The following LRP1B variants were observed in gnomAD, a reference collection of about 807,000 sequenced individuals.
LRP1B encodes the protein LDL receptor related protein 1B, also known as low-density lipoprotein receptor-related protein 1B.
In LRP1B, 217 loss-of-function variants were observed where a neutral mutation model predicts 556.6. That is an observed-to-expected ratio of 0.39 (90% CI 0.35 to 0.44). LRP1B has a LOEUF of 0.44. Among genes scored for constraint, LRP1B ranks in the 20% least tolerant of loss-of-function variants. The pLI is 1.00. For missense variants in LRP1B, 5,053 were observed against 5,620.8 expected (o/e 0.90, Z 3.23); for synonymous variants, 2,047 against 1,865.8 (o/e 1.10, Z -2.50).
In LRP1B at chr2:142,130,644, T is replaced by C. The variant is rs1322787743; in HGVS notation, c.82+4A>G. On this transcript the variant is annotated splice_donor_region_variant and intron_variant, in intron 1 of 90. Coordinates refer to ENST00000389484, the MANE Select transcript of LRP1B (RefSeq NM_018557.3). ...GGAGGGGAGCGGGGAGGTGTTCTCC[T>C]TACCTCGGTCGGCTCCCACGGTCAG... The C allele has an allele frequency of 6.2e-7, 1 of 1,609,646 alleles. No individual in the cohort carries two copies. The highest frequency in any genetic ancestry group is 8.5e-7 in the Non-Finnish European group (1 of 1,177,376).
intron 2 of LRP1B, among the ~76,000 whole-genome samples, chr2:141,724,314 T>G (rs1413211340): frequency 6.6e-6 from 1 of 151,992 alleles, no homozygotes; most frequent in Non-Finnish European, 1.5e-5. Context: ...TAAATTATTT[T>G]CTGCAAGGTT....
At chr2:140,661,351 C>G (rs1033324705) in intron 41 of LRP1B, among the ~76,000 whole-genome samples, 4 of 151,654 alleles carry the variant, frequency 2.6e-5, no homozygotes, top group African/African-American at 9.7e-5. Context: ...GACTATGGGT[C>G]CACAGAGAAA....
At chr2:141,200,698 T>C (rs1573641957) in intron 6 of LRP1B, among the ~76,000 whole-genome samples, 1 of 152,120 alleles carries the variant, frequency 6.6e-6, no homozygotes, top group Admixed American at 6.6e-5. Flanking sequence ...ATTTTTCTTG[T>C]AGTTTTCATC....
intron 2 of LRP1B, among the ~76,000 whole-genome samples, chr2:141,520,207 G>A (rs1329102465): frequency 6.6e-6 from 1 of 152,082 alleles, no homozygotes; most frequent in Non-Finnish European, 1.5e-5. Context: ...ATAAGAATAA[G>A]GCAAGTGGAT....
In LRP1B at chr2:140,331,814, G is replaced by T. The variant is rs147077982; in HGVS notation, c.12223+2639C>A. On this transcript the variant is annotated intron_variant, in intron 79 of 90. Coordinates refer to ENST00000389484, the MANE Select transcript of LRP1B (RefSeq NM_018557.3). ...GGGTTCAAGCAATTCTTATGCCTTA[G>T]CCTCTCGAGTAGCTGGGATTACAGG... Among the ~76,000 whole-genome samples, 276 of 151,696 alleles carry T rather than the reference G, an allele frequency of 1.8e-3. 1 individual carries two copies. Among genetic ancestry groups the T allele is most frequent in the African/African-American group, 6.3e-3 (262 of 41,400 alleles).
chr2:141,193,614 A>G lies in LRP1B; in HGVS notation c.851-5031T>C, dbSNP rs550433154. Among the ~76,000 whole-genome samples the G allele has an allele frequency of 1.3e-3, 193 of 152,024 alleles. 1 individual carries two copies. Among genetic ancestry groups the G allele is most frequent in the African/African-American group, 4.4e-3 (184 of 41,504 alleles). On this transcript the variant is annotated intron_variant, in intron 6 of 90. Coordinates refer to ENST00000389484, the MANE Select transcript of LRP1B (RefSeq NM_018557.3). ...GGTGGAGGATGGGAGGAGGGAGAGGAGTAGAAAAGACAACTTTTGGGGACT... is the reference window on the plus strand; with the variant it reads ...GGTGGAGGATGGGAGGAGGGAGAGGGGTAGAAAAGACAACTTTTGGGGACT...
At chr2:141,485,189 T>G (rs1398050906) in intron 2 of LRP1B, among the ~76,000 whole-genome samples, 2 of 152,200 alleles carry the variant, frequency 1.3e-5, no homozygotes, top group Non-Finnish European at 2.9e-5. Flanking sequence ...GACTAGCCAC[T>G]ACAGTCTTTA....
chr2:141,093,602 T>C (rs1700224534), intron 7 of LRP1B, among the ~76,000 whole-genome samples: 1 of 152,106 alleles, frequency 6.6e-6, no homozygotes, highest in Non-Finnish European at 1.5e-5. Context: ...AACACAGAGC[T>C]GTGGAGAGTT....
chr2:141,584,928 T>C (rs760780475), intron 2 of LRP1B, among the ~76,000 whole-genome samples: 27 of 152,110 alleles, frequency 1.8e-4, no homozygotes, highest in Non-Finnish European at 3.4e-4. Context: ...GTTCAATGGG[T>C]ACAGAGTTTC....
At chr2:141,771,909 TC>T (rs1694912550) in intron 2 of LRP1B, among the ~76,000 whole-genome samples, 2 of 151,984 alleles carry the variant, frequency 1.3e-5, no homozygotes, top group Admixed American at 1.3e-4. Flanking sequence ...ATCTCTGCCT[TC>T]CTATTTCAAG....
At chr2:141,593,926 G>A (rs895878828) in intron 2 of LRP1B, among the ~76,000 whole-genome samples, 7 of 152,004 alleles carry the variant, frequency 4.6e-5, no homozygotes, top group East Asian at 3.9e-4. Context: ...TAAAAGTTAC[G>A]TCCTTGGACC....
At chr2:141,311,802 T>G (rs1686823623) in intron 3 of LRP1B, among the ~76,000 whole-genome samples, 1 of 152,198 alleles carries the variant, frequency 6.6e-6, no homozygotes, top group South Asian at 2.1e-4. Context: ...ATTTATTTTC[T>G]TTATAATTAC....
At chr2:141,506,612 G>C (rs1683942167) in intron 2 of LRP1B, among the ~76,000 whole-genome samples, 1 of 152,000 alleles carries the variant, frequency 6.6e-6, no homozygotes, top group African/African-American at 2.4e-5. Flanking sequence ...TGGGCACCTA[G>C]CTTCAATCTA....
chr2:142,009,843 A>G (rs1361240450), intron 1 of LRP1B, among the ~76,000 whole-genome samples: 1 of 152,050 alleles, frequency 6.6e-6, no homozygotes, highest in Non-Finnish European at 1.5e-5. Context: ...ATATATATGT[A>G]TACATGTGAA....
chr2:141,175,224 T>C (rs529872314), intron 7 of LRP1B, among the ~76,000 whole-genome samples: 2 of 152,268 alleles, frequency 1.3e-5, no homozygotes, highest in Non-Finnish European at 2.9e-5. Flanking sequence ...GGGCATGTGA[T>C]AGAAAAGAAA....
At chr2:141,951,920 T>A (rs1191504691) in intron 1 of LRP1B, among the ~76,000 whole-genome samples, 1 of 152,024 alleles carries the variant, frequency 6.6e-6, no homozygotes, top group Non-Finnish European at 1.5e-5. Context: ...TGTATACATG[T>A]GCCATGTTGG....
At chr2:141,871,979 G>C (rs1165589071) in intron 1 of LRP1B, among the ~76,000 whole-genome samples, 4 of 151,940 alleles carry the variant, frequency 2.6e-5, no homozygotes, top group Admixed American at 6.6e-5. Flanking sequence ...CAGTGGGAAA[G>C]AGAAGAGGCG....
intron 66 of LRP1B, among the ~76,000 whole-genome samples, chr2:140,419,027 A>T (rs35458973): frequency 0.1 from 15,480 of 152,234 alleles, 985 homozygotes; most frequent in African/African-American, 0.17. Context: ...TAAAACACAG[A>T]CATGCCTGAC....
rs527532187 is a variant in LRP1B at position 140,965,489 on chromosome 2, G to C, written c.2888-13549C>G. On this transcript the variant is annotated intron_variant, in intron 18 of 90. Coordinates refer to ENST00000389484, the MANE Select transcript of LRP1B (RefSeq NM_018557.3). ...TAGATATATTGGTGAGCATGATTCAGAGTATCTATACATGTAAATAATAGT... is the reference window on the plus strand; with the variant it reads ...TAGATATATTGGTGAGCATGATTCACAGTATCTATACATGTAAATAATAGT... 5.0e-4 allele frequency among the ~76,000 whole-genome samples: 76 copies of C among 152,132 alleles called. 3 individuals carry two copies. The South Asian group carries it at 0.015, about 29-fold the overall frequency.
Sources: gnomAD v4.1 joint callset for allele counts (sites outside exome capture counted in the v4.1 genomes callset) on GRCh38, gnomAD v4.1.1 for gene constraint, MANE v1.5 for transcripts, NCBI Gene and HGNC (gene_info 2026-07-23, HGNC 2026-07-21) for gene names.